Variants in PRKD3 observed in about 807,000 individuals in gnomAD.
PRKD3 encodes serine/threonine-protein kinase D3.
PRKD3 carries 47 observed loss-of-function variants against 99.2 expected under a neutral mutation model. The ratio of observed to expected loss-of-function variants is 0.47; its 90% CI spans 0.38 to 0.60. The LOEUF is 0.60. PRKD3 is among the 20% of genes least tolerant of loss of function. PRKD3 has a pLI of 0.00. For missense variants in PRKD3, 1,019 were observed against 1,088.4 expected (o/e 0.94, Z 0.90); for synonymous variants, 392 against 355.4 (o/e 1.10, Z -1.16).
chr2:37,295,898 C>A (rs1670653429), intron 2 of PRKD3, among the ~76,000 whole-genome samples: 1 of 152,142 alleles, frequency 6.6e-6, no homozygotes, highest in South Asian at 2.1e-4. Flanking sequence ...GAGCAAGATG[C>A]TGAAGAAAGG....
Position 37,260,198 on chromosome 2 carries a change from TAAAAA to T in PRKD3, c.2046+20_2046+24del. ...AAAAATTAGTTTTTAATCGCTAGTT[TAAAAA>T]AAAAAAGGAGTTAAAATACCTGTGT... On this transcript the variant is annotated intron_variant, in intron 15 of 18. Coordinates refer to ENST00000234179, the MANE Select transcript of PRKD3 (RefSeq NM_005813.6). The T allele has an allele frequency of 8.4e-7, 1 of 1,185,910 alleles. No individual in the cohort carries two copies. The allele number at this position is 1,185,910 out of a possible 1,614,324, so 73.5% of individuals were successfully genotyped here. A position where few individuals can be genotyped will look rare whatever the true frequency, so the allele number is the denominator to read the frequency against.
Position 37,267,469 on chromosome 2 carries a change from T to A in PRKD3, c.1845A>T (p.Lys615Asn), listed in dbSNP as rs1265080346. The change falls in exon 14 of 19, where the codon AAA becomes AAT. Residue 615 changes from lysine (K) to asparagine (N), a missense_variant. This residue lies in a region of PRKD3 where 184 missense variants were observed against 275.1 expected (regional missense o/e 0.67). Coordinates refer to ENST00000234179, the MANE Select transcript of PRKD3 (RefSeq NM_005813.6). ...KVIDKMRFPT[K>N]QESQLRNEVA... ...CTTCATTACGGAGTTGACTTTCTTG[T>A]TTTGTGGGGAATCTCATCTTATCAA... The A allele has an allele frequency of 1.2e-6, 2 of 1,610,792 alleles. No individual in the cohort carries two copies. The highest frequency in any genetic ancestry group is 1.7e-6 in the Non-Finnish European group (2 of 1,178,092).
At chr2:37,277,134 T>C (rs190056428) in intron 9 of PRKD3, among the ~76,000 whole-genome samples, 8 of 152,284 alleles carry the variant, frequency 5.3e-5, no homozygotes, top group Admixed American at 5.2e-4. Flanking sequence ...TTCAATAATC[T>C]ACTCAGCAGA....
At position 37,279,751 on chromosome 2, in the gene PRKD3, T is replaced by A. The variant is rs1330886100; in HGVS notation, c.1167A>T (p.Thr389=). Residue 389 remains threonine (T), a synonymous_variant, in exon 8 of 19, where the codon ACA becomes ACT. Transcript: ENST00000234179. ...GTAATATGTATATATATTACCTGAT[T>A]GTTTTAACGGCTTCTTCATCTCTTT... ...DVERDEEAVK[T]ISPSTSNNIP... 6.2e-7 allele frequency: 1 copy of A among 1,612,198 alleles called. No individual in the cohort carries two copies. Among genetic ancestry groups the A allele is most frequent in the Admixed American group, 1.7e-5 (1 of 59,642 alleles).
At chr2:37,255,259 C>A (rs1215506536) in intron 17 of PRKD3, among the ~76,000 whole-genome samples, 1 of 152,090 alleles carries the variant, frequency 6.6e-6, no homozygotes, top group African/African-American at 2.4e-5. Flanking sequence ...TAAACTTTTC[C>A]CAGTTTGATG....
Position 37,289,403 on chromosome 2 carries a change from C to A in PRKD3, c.670G>T (p.Val224Phe), listed in dbSNP as rs768076816. The change falls in exon 5 of 19, where the codon GTT becomes TTT. Residue 224 changes from valine to phenylalanine, a missense_variant. By Grantham distance (50) the Val-to-Phe change is conservative (BLOSUM62 -1). This residue lies in a region of PRKD3 where 710 missense variants were observed against 692.7 expected (regional missense o/e 1.02). Transcript: ENST00000234179. ...NVSLPGPGLS[V>F]PRPLQPEYVA... ...TATTCAGGCTGTAGGGGTCTTGGAA[C>A]TGAGAGGCCGGGTCCTGGTAAAGAT... The A allele has an allele frequency of 2.5e-6, 4 of 1,614,016 alleles. No homozygotes were observed. In the African/African-American group the frequency reaches 5.3e-5, roughly 22 times the overall value.
In PRKD3 at chr2:37,297,792, T is replaced by C. The variant is rs73924797; in HGVS notation, c.289-4521A>G. Among the ~76,000 whole-genome samples, 463 of 152,272 alleles carry C rather than the reference T, an allele frequency of 3.0e-3. 2 individuals carry two copies. Among genetic ancestry groups the C allele is most frequent in the African/African-American group, 0.01 (432 of 41,538 alleles). On this transcript the variant is annotated intron_variant, in intron 2 of 18. Transcript: ENST00000234179. ...CCACAGAGGTAAAGTGCCATTCTCA[T>C]TGCACTCTACCAAGGGCACCTACTG...
chr2:37,302,931 T>C (rs1417477272), intron 2 of PRKD3, among the ~76,000 whole-genome samples: 1 of 152,154 alleles, frequency 6.6e-6, no homozygotes, highest in South Asian at 2.1e-4. Flanking sequence ...TGAGAACTTC[T>C]ATCTCTGTTT....
chr2:37,272,455 A>G lies in PRKD3; in HGVS notation c.1652-23T>C, dbSNP rs746118264. On this transcript the variant is annotated intron_variant, in intron 11 of 18. Transcript: ENST00000234179. ...CTTCTGTAAAATATAAAAAAGACAA[A>G]ATTTAGTATATGACAATATTATTAA... 3 of 1,590,378 alleles carry G rather than the reference A, an allele frequency of 1.9e-6. No homozygotes were observed. In the East Asian group the frequency reaches 6.8e-5, roughly 36 times the overall value.
At chr2:37,253,877 ATCTCT>A (rs1667721008) in intron 18 of PRKD3, among the ~76,000 whole-genome samples, 1 of 152,232 alleles carries the variant, frequency 6.6e-6, no homozygotes, top group Non-Finnish European at 1.5e-5. Flanking sequence ...TTTTTAAAAA[ATCTCT>A]TCAATGCAAA....
At chr2:37,286,590 A>C (rs1426605801) in intron 5 of PRKD3, among the ~76,000 whole-genome samples, 1 of 152,230 alleles carries the variant, frequency 6.6e-6, no homozygotes, top group African/African-American at 2.4e-5. Flanking sequence ...CATCTAAGAT[A>C]TGTTAATTCT....
intron 1 of PRKD3, chr2:37,324,233 G>C (rs1672013614): frequency 2.0e-6 from 2 of 985,554 alleles, no homozygotes; most frequent in Admixed American, 1.2e-4. Flanking sequence ...GTGAGGAAAT[G>C]AAACGAAAAA....
rs561176049 is a variant in PRKD3, at chr2:37,265,570, C to T, written c.1884+1860G>A. 2.4e-4 allele frequency among the ~76,000 whole-genome samples: 36 copies of T among 152,230 alleles called. No homozygotes were observed. In the South Asian group the frequency reaches 3.5e-3, roughly 15 times the overall value. On this transcript the variant is annotated intron_variant, in intron 14 of 18. Coordinates refer to ENST00000234179, the MANE Select transcript of PRKD3 (RefSeq NM_005813.6). ...GTAGAAAGTGCATATGGTTTGCAGA[C>T]AGACTTAGATTCAAACTCTGAATCT...
chr2:37,322,484 C>T (rs1004022878), intron 1 of PRKD3, among the ~76,000 whole-genome samples: 7 of 152,218 alleles, frequency 4.6e-5, no homozygotes, highest in African/African-American at 1.7e-4. Context: ...CACACCATAT[C>T]TGCTCTGCTC....
At chr2:37,280,626 C>T (rs1189772657) in intron 7 of PRKD3, among the ~76,000 whole-genome samples, 1 of 152,044 alleles carries the variant, frequency 6.6e-6, no homozygotes, top group Non-Finnish European at 1.5e-5. Flanking sequence ...CAAAGTGGAT[C>T]ACATAAAAAT....
rs188803710 is a variant in PRKD3, at chr2:37,269,329, C to T, written c.1777+286G>A. On this transcript the variant is annotated intron_variant, in intron 13 of 18. Coordinates refer to ENST00000234179, the MANE Select transcript of PRKD3 (RefSeq NM_005813.6). Reference sequence around the variant, plus strand: ...CACTCAGCCCAACATAAACTTCAAACCATCTCCCCCCCTGCCTCCGACAAA... The same window carrying T: ...CACTCAGCCCAACATAAACTTCAAATCATCTCCCCCCCTGCCTCCGACAAA... The T allele has an allele frequency of 2.4e-3, 906 of 373,272 alleles. 5 individuals carry two copies. The highest frequency in any genetic ancestry group is 3.3e-3 in the Non-Finnish European group (644 of 197,902). 23.1% of individuals were successfully genotyped at this position (373,272 alleles called of 1,614,324 possible). A position where few individuals can be genotyped will look rare whatever the true frequency, so the allele number is the denominator to read the frequency against.
At chr2:37,280,148 G>A (rs1357798227) in intron 7 of PRKD3, among the ~76,000 whole-genome samples, 4 of 151,280 alleles carry the variant, frequency 2.6e-5, no homozygotes, top group Admixed American at 2.0e-4. Context: ...GGGTTCAAGC[G>A]ATTCTCTAGC....
chr2:37,287,262 A>AT, intron 5 of PRKD3, among the ~76,000 whole-genome samples: 1 of 80,424 alleles, frequency 1.2e-5, no homozygotes, highest in East Asian at 4.7e-4. Flanking sequence ...AAAAAAAAAA[A>AT]AAAAAGAAAA....
chr2:37,302,154 A>G (rs1316494896), intron 2 of PRKD3, among the ~76,000 whole-genome samples: 2 of 152,246 alleles, frequency 1.3e-5, no homozygotes, highest in African/African-American at 4.8e-5. Context: ...CTTGATTAAA[A>G]GAAAGAGGAA....
Sources: gnomAD v4.1 joint callset for allele counts (sites outside exome capture counted in the v4.1 genomes callset) on GRCh38, gnomAD v4.1.1 for gene constraint, gnomAD v4.1.1 regional missense constraint, MANE v1.5 for transcripts, NCBI Gene and HGNC (gene_info 2026-07-23, HGNC 2026-07-21) for gene names.